Variants in CCDC192 observed in about 807,000 individuals in gnomAD.
CCDC192 encodes the protein coiled-coil domain-containing protein 192.
intron 2 of CCDC192, among the ~76,000 whole-genome samples, chr5:127,733,629 T>C (rs1752770507): frequency 6.6e-6 from 1 of 152,158 alleles, no homozygotes; most frequent in Non-Finnish European, 1.5e-5. Context: ...AGAATCAACC[T>C]TGGAGGCTAC....
intron 6 of CCDC192, among the ~76,000 whole-genome samples, chr5:127,919,703 A>G (rs1242080031): frequency 2.4e-4 from 36 of 152,064 alleles, no homozygotes; most frequent in Admixed American, 2.4e-3. Flanking sequence ...TCAGAGTGTC[A>G]CTCTTTTCCA....
chr5:127,827,421 G>A (rs1749582364), intron 5 of CCDC192, among the ~76,000 whole-genome samples: 1 of 152,146 alleles, frequency 6.6e-6, no homozygotes, highest in Admixed American at 6.5e-5. Flanking sequence ...AATAAAGCCT[G>A]AAAGAAAAAG....
intron 5 of CCDC192, chr5:127,838,782 C>G (rs1199457049): frequency 6.6e-6 from 1 of 152,226 alleles, no homozygotes; most frequent in Non-Finnish European, 1.5e-5. Flanking sequence ...TTCACTCTTC[C>G]TGTGTATCCC....
intron 5 of CCDC192, among the ~76,000 whole-genome samples, chr5:127,870,389 A>G (rs1751799857): frequency 6.6e-6 from 1 of 152,236 alleles, no homozygotes; most frequent in South Asian, 2.1e-4. Context: ...GGTTACCTTT[A>G]AGTAACTTAA....
intron 5 of CCDC192, among the ~76,000 whole-genome samples, chr5:127,865,152 A>G (rs1751553583): frequency 6.6e-6 from 1 of 152,130 alleles, no homozygotes; most frequent in African/African-American, 2.4e-5. Context: ...GACTCAAATT[A>G]AAAAAATAAA....
At chr5:127,761,025 G>T (rs1334904250) in intron 3 of CCDC192, among the ~76,000 whole-genome samples, 5 of 152,158 alleles carry the variant, frequency 3.3e-5, no homozygotes, top group Non-Finnish European at 5.9e-5. Context: ...GAAACACTCC[G>T]TTCTGAAAAA....
intron 6 of CCDC192, among the ~76,000 whole-genome samples, chr5:127,908,104 G>A (rs1255447012): frequency 6.6e-6 from 1 of 152,120 alleles, no homozygotes; most frequent in African/African-American, 2.4e-5. Context: ...ACCTGTAGAG[G>A]ACCCATCTCA....
intron 5 of CCDC192, among the ~76,000 whole-genome samples, chr5:127,835,562 T>A (rs769910442): frequency 2.6e-5 from 4 of 152,312 alleles, no homozygotes; most frequent in Admixed American, 6.5e-5. Flanking sequence ...AAAGACATAC[T>A]CATCACTGGG....
In CCDC192 at chr5:127,787,379, C is replaced by G. The variant is rs185121744; in HGVS notation, c.223-9724C>G. On this transcript the variant is annotated intron_variant, in intron 3 of 6. Coordinates refer to ENST00000514853, the MANE Select transcript of CCDC192 (RefSeq NM_001317938.2). ...CTCCTCCTCACCTGCCAGCCCAGGC[C>G]TCCTCCTCCTGCTGCCGCCACCTCG... Among the ~76,000 whole-genome samples the G allele has an allele frequency of 1.5e-4, 23 of 152,276 alleles. No individual in the cohort carries two copies. In the East Asian group the frequency reaches 4.4e-3, roughly 29 times the overall value.
chr5:127,910,162 G>C (rs1461511579), intron 6 of CCDC192, among the ~76,000 whole-genome samples: 1 of 152,140 alleles, frequency 6.6e-6, no homozygotes, highest in Non-Finnish European at 1.5e-5. Context: ...GAAGCTAGAG[G>C]CTAGACTCTT....
chr5:127,781,232 G>T (rs1756200817), intron 3 of CCDC192, among the ~76,000 whole-genome samples: 1 of 152,078 alleles, frequency 6.6e-6, no homozygotes, highest in Admixed American at 6.5e-5. Flanking sequence ...GGTGACTATG[G>T]CCTTATAGTA....
At chr5:127,919,073 ATGTGTGTGTG>A (rs70997353) in intron 6 of CCDC192, among the ~76,000 whole-genome samples, 5 of 137,310 alleles carry the variant, frequency 3.6e-5, no homozygotes, top group East Asian at 3.8e-4. Context: ...GTGTGTATAT[ATGTGTGTGTG>A]TGTGTGTGTG....
At chr5:127,925,192 AC>A (rs1753830303) in intron 6 of CCDC192, among the ~76,000 whole-genome samples, 1 of 152,240 alleles carries the variant, frequency 6.6e-6, no homozygotes, top group African/African-American at 2.4e-5. Flanking sequence ...AATATAACTT[AC>A]CTGATAAAGT....
At chr5:127,808,539 G>A (rs1412780642) in intron 5 of CCDC192, among the ~76,000 whole-genome samples, 1 of 152,030 alleles carries the variant, frequency 6.6e-6, no homozygotes, top group African/African-American at 2.4e-5. Flanking sequence ...ACCTTCTACT[G>A]CTAGTTGACA....
chr5:127,776,514 A>G (rs1357404322), intron 3 of CCDC192, among the ~76,000 whole-genome samples: 1 of 152,144 alleles, frequency 6.6e-6, no homozygotes, highest in African/African-American at 2.4e-5. Flanking sequence ...AGAAAAACCC[A>G]TTTTCTGAGA....
At chr5:127,877,196 CAAT>C (rs1348083410) in intron 6 of CCDC192, among the ~76,000 whole-genome samples, 1 of 152,016 alleles carries the variant, frequency 6.6e-6, no homozygotes, top group Non-Finnish European at 1.5e-5. Context: ...TCATTTTTTT[CAAT>C]ATTATTTACT....
At chr5:127,713,302 T>A (rs1412735476) in intron 2 of CCDC192, among the ~76,000 whole-genome samples, 1 of 152,218 alleles carries the variant, frequency 6.6e-6, no homozygotes, top group Admixed American at 6.5e-5. Context: ...AATTTGCATT[T>A]CCTTAATAGC....
intron 5 of CCDC192, among the ~76,000 whole-genome samples, chr5:127,866,707 T>G (rs773363138): frequency 9.2e-5 from 14 of 152,022 alleles, no homozygotes; most frequent in Non-Finnish European, 1.8e-4. Context: ...ACCTACATAC[T>G]CCTTTGCTTT....
At chr5:127,769,286 A>G (rs991130922) in intron 3 of CCDC192, among the ~76,000 whole-genome samples, 2 of 152,230 alleles carry the variant, frequency 1.3e-5, no homozygotes, top group African/African-American at 4.8e-5. Flanking sequence ...GGATGGTGCC[A>G]TGTATTGAAA....
Sources: allele counts gnomAD v4.1 joint callset (sites outside exome capture counted in the v4.1 genomes callset), GRCh38; gene constraint gnomAD v4.1.1; transcripts MANE v1.5; gene names NCBI Gene and HGNC (gene_info 2026-07-23, HGNC 2026-07-21).